Variants in RAD51B observed in about 807,000 individuals in gnomAD.
RAD51B encodes the protein DNA repair protein RAD51 homolog 2.
In RAD51B, 38 loss-of-function variants were observed where a neutral mutation model predicts 42.2. The ratio of observed to expected loss-of-function variants is 0.90; its 90% CI spans 0.70 to 1.18. RAD51B has a LOEUF of 1.18. RAD51B is among the 50% of genes most tolerant of loss of function. The pLI is 0.00. For missense variants in RAD51B, 373 were observed against 400.7 expected, an observed-to-expected ratio of 0.93 and a Z score of 0.59; for synonymous variants, 154 against 145.2, an observed-to-expected ratio of 1.06 and a Z score of -0.43.
intron 10 of RAD51B, among the ~76,000 whole-genome samples, chr14:68,602,191 C>T (rs1306098319): frequency 6.6e-6 from 1 of 152,064 alleles, no homozygotes; most frequent in Non-Finnish European, 1.5e-5. Context: ...CACCATGTGA[C>T]CTGCCTTCCT....
In RAD51B at chr14:68,027,406, G is replaced by A. The variant is rs61987525; in HGVS notation, c.756+140202G>A. Among the ~76,000 whole-genome samples, 276 of 152,146 alleles carry A rather than the reference G, an allele frequency of 1.8e-3. 1 individual carries two copies. Among genetic ancestry groups the A allele is most frequent in the Middle Eastern group, 6.8e-3 (2 of 294 alleles). On this transcript the variant is annotated intron_variant, in intron 7 of 10. Transcript: ENST00000471583. ...TCAACGTGAGATTAGGGAAATTTTC[G>A]TGGACTGTATCCTCAAAAATATTTT...
At chr14:68,114,015 A>G (rs760158451) in intron 7 of RAD51B, 2 of 152,180 alleles carry the variant, frequency 1.3e-5, no homozygotes, top group Non-Finnish European at 2.9e-5. Context: ...CAGTACAAAC[A>G]AAGAGTTTCT....
At chr14:67,924,911 C>T (rs760155983) in intron 7 of RAD51B, among the ~76,000 whole-genome samples, 5 of 152,206 alleles carry the variant, frequency 3.3e-5, no homozygotes, top group Admixed American at 1.3e-4. Context: ...CAGTCCCTTC[C>T]GCCTGTGAGC....
intron 11 of RAD51B, among the ~76,000 whole-genome samples, chr14:68,665,602 A>G (rs748980087): frequency 3.3e-5 from 5 of 152,230 alleles, no homozygotes; most frequent in African/African-American, 7.2e-5. Context: ...ATAGGACTGT[A>G]TGGCCCTGGC....
At chr14:67,851,097 C>G (rs888923544) in intron 4 of RAD51B, among the ~76,000 whole-genome samples, 52 of 152,206 alleles carry the variant, frequency 3.4e-4, no homozygotes, top group African/African-American at 1.2e-3. Flanking sequence ...CTTTGGGCCT[C>G]TGCAGGGGTG....
At chr14:67,939,726 A>G (rs192073608) in intron 7 of RAD51B, among the ~76,000 whole-genome samples, 1 of 152,100 alleles carries the variant, frequency 6.6e-6, no homozygotes, top group East Asian at 1.9e-4. Context: ...CTTCCTAATT[A>G]TGTCTTCACA....
At chr14:67,940,772 G>A (rs1212032662) in intron 7 of RAD51B, among the ~76,000 whole-genome samples, 1 of 146,422 alleles carries the variant, frequency 6.8e-6, no homozygotes, top group African/African-American at 2.5e-5. Context: ...AGAAATGATA[G>A]TATCAGTAGG....
At chr14:68,467,972 C>T (rs1217223485) in intron 9 of RAD51B, among the ~76,000 whole-genome samples, 200 bp from the exon 10 acceptor site, 1 of 151,634 alleles carries the variant, frequency 6.6e-6, no homozygotes. Flanking sequence ...TTGGAATAAG[C>T]ATACAGCCTT....
intron 7 of RAD51B, among the ~76,000 whole-genome samples, chr14:68,260,116 A>G (rs1431768770): frequency 6.6e-6 from 1 of 152,084 alleles, no homozygotes; most frequent in African/African-American, 2.4e-5. Context: ...TGAGCAGAGG[A>G]GGCCTCTATG....
intron 7 of RAD51B, among the ~76,000 whole-genome samples, chr14:68,145,562 G>T (rs746462581): frequency 3.3e-5 from 5 of 152,156 alleles, no homozygotes; most frequent in African/African-American, 7.2e-5. Flanking sequence ...AATGTGATAT[G>T]TGTAAATAAT....
chr14:68,233,749 G>A (rs1336612493), intron 7 of RAD51B, among the ~76,000 whole-genome samples: 1 of 152,128 alleles, frequency 6.6e-6, no homozygotes, highest in African/African-American at 2.4e-5. Flanking sequence ...AGGGTGGGAG[G>A]AGCCCCATCA....
At chr14:68,175,435 C>T (rs1050339414) in intron 7 of RAD51B, among the ~76,000 whole-genome samples, 7 of 152,136 alleles carry the variant, frequency 4.6e-5, no homozygotes, top group Admixed American at 2.6e-4. Context: ...TTCTCCCACC[C>T]GTGTTTGGGA....
intron 7 of RAD51B, among the ~76,000 whole-genome samples, chr14:67,988,048 C>T (rs938401426): frequency 6.6e-6 from 1 of 152,072 alleles, no homozygotes; most frequent in African/African-American, 2.4e-5. Context: ...CCAATAACAA[C>T]CAACAAACAG....
rs1054853785 is a variant in RAD51B, at chr14:68,084,589, A to G, written c.756+197385A>G. Reference sequence around the variant, plus strand: ...TGAACAGCTTTCATCAGTCTGATGCACTTCCCCAATATTTGTAATCATGAG... The same window carrying G: ...TGAACAGCTTTCATCAGTCTGATGCGCTTCCCCAATATTTGTAATCATGAG... On this transcript the variant is annotated intron_variant, in intron 7 of 10. Transcript: ENST00000471583. Among the ~76,000 whole-genome samples the G allele has an allele frequency of 2.0e-5, 3 of 152,222 alleles. No homozygotes were observed. In the South Asian group the frequency reaches 6.2e-4, roughly 31 times the overall value.
intron 7 of RAD51B, among the ~76,000 whole-genome samples, chr14:68,285,464 T>G (rs529528492): frequency 3.9e-5 from 6 of 152,276 alleles, no homozygotes; most frequent in Admixed American, 3.9e-4. Flanking sequence ...TTGAAAGCAT[T>G]GGATTTAGTG....
intron 8 of RAD51B, among the ~76,000 whole-genome samples, chr14:68,293,745 T>C (rs2139667235): frequency 6.6e-6 from 1 of 152,368 alleles, no homozygotes; most frequent in South Asian, 2.1e-4. Flanking sequence ...GTGGCCGCTC[T>C]ATCTGCTCAA....
At chr14:68,394,067 G>A (rs2083840571) in intron 8 of RAD51B, among the ~76,000 whole-genome samples, 1 of 152,218 alleles carries the variant, frequency 6.6e-6, no homozygotes, top group Admixed American at 6.5e-5. Context: ...GTCGGCAGGA[G>A]CAGGGCTGAA....
At chr14:68,277,475 A>AGGCTTG (rs1464396785) in intron 7 of RAD51B, among the ~76,000 whole-genome samples, 2 of 152,184 alleles carry the variant, frequency 1.3e-5, no homozygotes, top group East Asian at 3.9e-4. Context: ...TGAGATATGG[A>AGGCTTG]GTCAGACTTG....
At chr14:68,611,297 C>T (rs1184887707) in exon 11 of RAD51B, 5 of 699,398 alleles carry the variant, frequency 7.1e-6, no homozygotes, top group East Asian at 2.7e-5. Context: ...TAACATCCGA[C>T]AGCAACTATA....
Sources: allele counts gnomAD v4.1 joint callset (sites outside exome capture counted in the v4.1 genomes callset), GRCh38; gene constraint gnomAD v4.1.1; transcripts MANE v1.5; gene names NCBI Gene and HGNC (gene_info 2026-07-23, HGNC 2026-07-21).